SPIRE2: variants seen among roughly 807,000 people sequenced by gnomAD.
The protein encoded by SPIRE2 is protein spire homolog 2.
A neutral mutation model predicts 80.7 loss-of-function variants in SPIRE2; 76 were observed. The ratio of observed to expected loss-of-function variants is 0.94; its 90% CI spans 0.78 to 1.14. The LOEUF (loss-of-function observed/expected upper bound fraction) is 1.14, where lower values mean the gene tolerates loss of function less well. Among genes scored for constraint, SPIRE2 ranks in the 50% most tolerant of loss-of-function variants. The pLI is 0.00. For missense variants in SPIRE2, 1,196 were observed against 1,015.3 expected, an observed-to-expected ratio of 1.18 and a Z score of -2.42; for synonymous variants, 535 against 432.6, an observed-to-expected ratio of 1.24 and a Z score of -2.94.
rs1555595707 is a variant in SPIRE2, at chr16:89,850,832, T to TG, written c.645+172_645+173insG. ...AATCCTCACGCTTTCTTGTTGTTTT[T>TG]TTGTTGTTGTTGTTGTTTTTTTAGA... On this transcript the variant is annotated intron_variant, in intron 3 of 14. Coordinates refer to ENST00000378247, the MANE Select transcript of SPIRE2 (RefSeq NM_032451.2). 1.5e-3 allele frequency among the ~76,000 whole-genome samples: 235 copies of TG among 152,138 alleles called. 1 individual carries two copies. The highest frequency in any genetic ancestry group is 5.0e-3 in the African/African-American group (206 of 41,492).
At chr16:89,869,053 A>AAACAAACATATATATATATATATATATAT in intron 13 of SPIRE2, among the ~76,000 whole-genome samples, 1 of 24,036 alleles carries the variant, frequency 4.2e-5, no homozygotes, top group African/African-American at 1.6e-4. Context: ...AAAAAAAAAA[A>AAACAAACATATATATATATATATATATAT]ATATATATAT....
At chr16:89,850,831 T>G (rs1314840766) in intron 3 of SPIRE2, among the ~76,000 whole-genome samples, 171 bp downstream of exon 3, 1 of 152,052 alleles carries the variant, frequency 6.6e-6, no homozygotes, top group African/African-American at 2.4e-5. Flanking sequence ...CTTGTTGTTT[T>G]TTTGTTGTTG....
At chr16:89,855,379 GGT>G (rs1170179536) in intron 5 of SPIRE2, among the ~76,000 whole-genome samples, 1 of 152,084 alleles carries the variant, frequency 6.6e-6, no homozygotes, top group Non-Finnish European at 1.5e-5. Context: ...GGGGCAGCCA[GGT>G]GGGGACGCGT....
intron 2 of SPIRE2, among the ~76,000 whole-genome samples, chr16:89,847,408 G>A (rs3743855): frequency 0.061 from 9,303 of 152,288 alleles, 450 homozygotes; most frequent in East Asian, 0.23. Context: ...CTGGGAGGCC[G>A]GCTGGCCCTG....
rs1597219796 is a variant in SPIRE2 at position 89,855,835 on chromosome 16, C to T, written c.978+149C>T. 3.8e-5 allele frequency: 35 copies of T among 931,312 alleles called. No homozygotes were observed. In the East Asian group the frequency reaches 9.2e-4, roughly 25 times the overall value. 57.7% of individuals were successfully genotyped at this position (931,312 alleles called of 1,614,324 possible). A position where few individuals can be genotyped will look rare whatever the true frequency, so the allele number is the denominator to read the frequency against. On this transcript the variant is annotated intron_variant, in intron 6 of 14. Coordinates refer to ENST00000378247, the MANE Select transcript of SPIRE2 (RefSeq NM_032451.2). ...CGTCACGGGTGAGGCGGGCTGGCTTCCTCTTGCCTGTGTGCCAGCCCGGGG... is the reference window on the plus strand; with the variant it reads ...CGTCACGGGTGAGGCGGGCTGGCTTTCTCTTGCCTGTGTGCCAGCCCGGGG...
chr16:89,834,772 T>C (rs113737219), intron 1 of SPIRE2, among the ~76,000 whole-genome samples: 6 of 50,942 alleles, frequency 1.2e-4, no homozygotes, highest in East Asian at 6.8e-4. Flanking sequence ...ATCGTAGAAG[T>C]GTGGATAAGC....
At chr16:89,869,705 G>A in intron 14 of SPIRE2, 23 bp downstream of exon 14, 1 of 1,576,196 alleles carries the variant, frequency 6.3e-7, no homozygotes, top group Non-Finnish European at 8.7e-7. Flanking sequence ...CCTTGCTGCT[G>A]ATGTCACTGT....
Position 89,870,140 on chromosome 16 carries a change from G to A in SPIRE2, c.2013G>A (p.Glu671=), listed in dbSNP as rs748230032. 6.2e-7 allele frequency: 1 copy of A among 1,612,998 alleles called. No homozygotes were observed. Among genetic ancestry groups the A allele is most frequent in the Admixed American group, 1.7e-5 (1 of 59,852 alleles). ...HGCVLKDVCS[E]CTSFVADVVR... The stretch of plus-strand genomic sequence containing the variant: ...GTGTCCTGAAGGATGTCTGCAGTGA[G>A]TGCACCAGCTTTGTGGCAGACGTGG... The change falls in exon 15 of 15, where the codon GAG becomes GAA. Residue 671 remains glutamate (E), a synonymous_variant. Transcript: ENST00000378247.
In SPIRE2 at chr16:89,828,651, C is replaced by A; in HGVS notation, c.101C>A (p.Pro34Gln). ...LEEVLKAYEQ[P>Q]LNEEQAWAVC... The stretch of plus-strand genomic sequence containing the variant: ...GAGGTGCTGAAGGCCTACGAGCAGC[C>A]GCTCAACGAGGAGCAGGCGTGGGCC... The change falls in exon 1 of 15, where the codon CCG becomes CAG. Residue 34 changes from proline (P) to glutamine (Q), a missense_variant. Transcript: ENST00000378247. This position sits in a 1 kb window ranked among gnomAD's most constrained non-coding sequence, Gnocchi z 5.9. 7.3e-7 allele frequency: 1 copy of A among 1,367,564 alleles called. No individual in the cohort carries two copies. Among genetic ancestry groups the A allele is most frequent in the Non-Finnish European group, 9.5e-7 (1 of 1,050,014 alleles). The allele number at this position is 1,367,564 out of a possible 1,614,324, so 84.7% of individuals were successfully genotyped here.
Position 89,833,060 on chromosome 16 carries a change from A to G in SPIRE2, c.244+4266A>G, listed in dbSNP as rs180834997. On this transcript the variant is annotated intron_variant, in intron 1 of 14. Transcript: ENST00000378247. ...GGCTGGAGTGCAATGCCGTGATCTC[A>G]GCTCACTGCAACCTCTGCCTCCCCA... 3.1e-3 allele frequency among the ~76,000 whole-genome samples: 458 copies of G among 148,868 alleles called. 1 individual carries two copies. Among genetic ancestry groups the G allele is most frequent in the African/African-American group, 0.011 (442 of 40,090 alleles).
Position 89,828,505 on chromosome 16 carries a change from T to C in SPIRE2, c.-46T>C, listed in dbSNP as rs2041346735. 2.0e-6 allele frequency: 2 copies of C among 1,008,772 alleles called. No individual in the cohort carries two copies. Among genetic ancestry groups the C allele is most frequent in the Middle Eastern group, 4.9e-4 (1 of 2,040 alleles). The allele number at this position is 1,008,772 out of a possible 1,614,324, so 62.5% of individuals were successfully genotyped here. ...GACCCTGCGCGGCGGAAGGCGCGGCTGCATGGACGCGGGTCCGGCGCGCGG... is the reference window on the plus strand; with the variant it reads ...GACCCTGCGCGGCGGAAGGCGCGGCCGCATGGACGCGGGTCCGGCGCGCGG... On this transcript the variant is annotated 5_prime_UTR_variant, in exon 1 of 15. Coordinates refer to ENST00000378247, the MANE Select transcript of SPIRE2 (RefSeq NM_032451.2). This position sits in a 1 kb window ranked among gnomAD's most constrained non-coding sequence, Gnocchi z 5.9.
chr16:89,852,108 G>T (rs1158277054), intron 3 of SPIRE2, among the ~76,000 whole-genome samples: 1 of 57,572 alleles, frequency 1.7e-5, no homozygotes, highest in African/African-American at 7.8e-5. Flanking sequence ...CCACCCACCA[G>T]ATCCCATGGC....
At chr16:89,858,129 C>T (rs2041709087) in intron 7 of SPIRE2, among the ~76,000 whole-genome samples, 1 of 152,108 alleles carries the variant, frequency 6.6e-6, no homozygotes, top group African/African-American at 2.4e-5. Flanking sequence ...TCGTGATCCA[C>T]CCGCCTTGGC....
chr16:89,845,224 C>T, intron 1 of SPIRE2, 98 bp from the exon 2 acceptor site: 1 of 1,066,318 alleles, frequency 9.4e-7, no homozygotes, highest in East Asian at 2.4e-5. Flanking sequence ...GAGAGTGGGG[C>T]TGTGGTGTGT....
rs1165670406 is a variant in SPIRE2, at chr16:89,860,707, A to G, written c.1487A>G (p.Asp496Gly). 5 of 1,590,964 alleles carry G rather than the reference A, an allele frequency of 3.1e-6. No homozygotes were observed. Among genetic ancestry groups the G allele is most frequent in the Middle Eastern group, 1.7e-4 (1 of 6,036 alleles). ...GGTACCTGTCCCGCGAGTGTCTCTG[A>G]CCCCAGCCACCCCCTACTCAGCAAC... ...DQGTCPASVS[D>G]PSHPLLSNRG... The change falls in exon 10 of 15, where the codon GAC becomes GGC. Residue 496 changes from aspartate to glycine, a missense_variant. Asp to Gly is a moderately conservative substitution (Grantham distance 94, BLOSUM62 -1). Coordinates refer to ENST00000378247, the MANE Select transcript of SPIRE2 (RefSeq NM_032451.2).
chr16:89,829,060 C>A (rs563716936), intron 1 of SPIRE2, among the ~76,000 whole-genome samples: 1 of 152,224 alleles, frequency 6.6e-6, no homozygotes, highest in African/African-American at 2.4e-5. Context: ...TCTCCCAGCG[C>A]GGAGCGGGCT....
intron 1 of SPIRE2, among the ~76,000 whole-genome samples, chr16:89,840,374 C>G (rs1290504530): frequency 6.6e-6 from 1 of 151,314 alleles, no homozygotes; most frequent in Non-Finnish European, 1.5e-5. Flanking sequence ...CTCAGCCTCC[C>G]GAATAACTGG....
At chr16:89,854,430 G>T (rs931210577) in intron 4 of SPIRE2, 57 bp from the exon 5 acceptor site, 1 of 1,609,906 alleles carries the variant, frequency 6.2e-7, no homozygotes, top group African/African-American at 1.3e-5. Context: ...GTCTCTGCCT[G>T]GGGGGCCGTG....
intron 1 of SPIRE2, among the ~76,000 whole-genome samples, chr16:89,832,027 C>T (rs1270936162): frequency 6.6e-6 from 1 of 152,250 alleles, no homozygotes; most frequent in Non-Finnish European, 1.5e-5. Context: ...TCCTCTGGTT[C>T]CCTCCATCCC....
Sources: allele counts gnomAD v4.1 joint callset (sites outside exome capture counted in the v4.1 genomes callset), GRCh38; gene constraint gnomAD v4.1.1; non-coding constraint Gnocchi (gnomAD v3.1); transcripts MANE v1.5; gene names NCBI Gene and HGNC (gene_info 2026-07-23, HGNC 2026-07-21).